The following ATP9B variants were observed in gnomAD, a reference collection of about 807,000 sequenced individuals.
ATP9B encodes the protein ATPase phospholipid transporting 9B.
ATP9B carries 110 observed loss-of-function variants against 146.1 expected under a neutral mutation model. The observed-to-expected ratio is 0.75, with a 90% CI of 0.65 to 0.88. ATP9B has a LOEUF of 0.88. Among genes scored for constraint, ATP9B ranks in the 40% least tolerant of loss-of-function variants. The probability of loss-of-function intolerance (pLI) is 0.00; values close to 1 mark genes in which losing one functional copy is unlikely to be tolerated. For synonymous variants in ATP9B, 604 were observed against 569.7 expected (o/e 1.06, Z -0.86); for missense variants, 1,499 against 1,496.4 (o/e 1.00, Z -0.03).
intron 7 of ATP9B, among the ~76,000 whole-genome samples, chr18:79,161,819 C>G (rs146340340): frequency 6.6e-4 from 100 of 152,204 alleles, no homozygotes; most frequent in African/African-American, 2.2e-3. Flanking sequence ...GCACTCCAGC[C>G]TGGGTGACAG....
At chr18:79,304,459 G>A (rs1006159226) in intron 14 of ATP9B, among the ~76,000 whole-genome samples, 2 of 152,082 alleles carry the variant, frequency 1.3e-5, no homozygotes, top group African/African-American at 2.4e-5. Flanking sequence ...ACCTCTAATC[G>A]CTTATCTGAA....
intron 13 of ATP9B, among the ~76,000 whole-genome samples, chr18:79,292,042 A>G (rs1313002650): frequency 1.3e-5 from 2 of 152,154 alleles, no homozygotes; most frequent in Non-Finnish European, 2.9e-5. Flanking sequence ...TTACTGGTTC[A>G]TTCGTATTGT....
Position 79,371,370 on chromosome 18 carries a change from TAAAAAAAAAAAAAAA to T in ATP9B, c.3013-1438_3013-1424del, listed in dbSNP as rs59110010. Among the ~76,000 whole-genome samples, 136 of 98,116 alleles carry T rather than the reference TAAAAAAAAAAAAAAA, an allele frequency of 1.4e-3. 1 individual carries two copies. Among genetic ancestry groups the T allele is most frequent in the Non-Finnish European group, 2.2e-3 (115 of 51,638 alleles). The allele number at this position is 98,116 out of a possible 152,430, so 64.4% of individuals were successfully genotyped here. On this transcript the variant is annotated intron_variant, in intron 26 of 29. Coordinates refer to ENST00000426216, the MANE Select transcript of ATP9B (RefSeq NM_198531.5). ...CTGGTGAAAGAGCAAGACTCCGTCTTAAAAAAAAAAAAAAAAAAAAAAAAAAAAAAACAGTAGTGC... is the reference window on the plus strand; with the variant it reads ...CTGGTGAAAGAGCAAGACTCCGTCTTAAAAAAAAAAAAAAAACAGTAGTGC...
chr18:79,305,684 A>G (rs2096616794), intron 14 of ATP9B, among the ~76,000 whole-genome samples: 1 of 152,252 alleles, frequency 6.6e-6, no homozygotes, highest in Admixed American at 6.5e-5. Context: ...AAGATGAAGC[A>G]TCATTATATA....
intron 11 of ATP9B, among the ~76,000 whole-genome samples, chr18:79,217,922 C>G (rs2095642909): frequency 6.6e-6 from 1 of 152,188 alleles, no homozygotes; most frequent in Non-Finnish European, 1.5e-5. Context: ...GTTTCTAACA[C>G]TCAATTCTGA....
intron 13 of ATP9B, among the ~76,000 whole-genome samples, chr18:79,297,850 C>A (rs902768843): frequency 1.6e-5 from 2 of 124,138 alleles, no homozygotes; most frequent in African/African-American, 5.8e-5. Flanking sequence ...CTGCAATGAC[C>A]TTAACAGAAC....
intron 13 of ATP9B, among the ~76,000 whole-genome samples, chr18:79,296,263 A>G (rs558782999): frequency 1.3e-5 from 2 of 152,336 alleles, no homozygotes; most frequent in African/African-American, 4.8e-5. Flanking sequence ...CCATCTTCCT[A>G]TCTTGGTCTC....
At chr18:79,203,240 C>T (rs2095504745) in intron 9 of ATP9B, among the ~76,000 whole-genome samples, 2 of 150,972 alleles carry the variant, frequency 1.3e-5, no homozygotes, top group South Asian at 4.2e-4. Context: ...GAGCAGGTAC[C>T]TGATGAGCGA....
At chr18:79,140,352 G>GT (rs1379030565) in intron 5 of ATP9B, among the ~76,000 whole-genome samples, 1 of 151,996 alleles carries the variant, frequency 6.6e-6, no homozygotes, top group African/African-American at 2.4e-5. Context: ...AATTTCTTTA[G>GT]TTTTTTTCAA....
At chr18:79,151,755 G>T (rs2094693551) in intron 6 of ATP9B, among the ~76,000 whole-genome samples, 1 of 151,212 alleles carries the variant, frequency 6.6e-6, no homozygotes. Flanking sequence ...GAAGTTCTGG[G>T]ATACATGTGC....
chr18:79,266,364 G>A (rs2096203949), intron 12 of ATP9B, among the ~76,000 whole-genome samples: 1 of 151,644 alleles, frequency 6.6e-6, no homozygotes. Flanking sequence ...TATTAATCTA[G>A]GTGTATTAAA....
chr18:79,088,486 C>A (rs1436023034), intron 1 of ATP9B, among the ~76,000 whole-genome samples: 1 of 151,964 alleles, frequency 6.6e-6, no homozygotes, highest in Non-Finnish European at 1.5e-5. Flanking sequence ...TAATTTTTTG[C>A]CTAAATTATA....
At chr18:79,230,374 G>T (rs2095779650) in intron 11 of ATP9B, among the ~76,000 whole-genome samples, 1 of 152,094 alleles carries the variant, frequency 6.6e-6, no homozygotes, top group Non-Finnish European at 1.5e-5. Context: ...AAAGTTTCAG[G>T]ATACAAAATT....
chr18:79,269,965 C>T (rs1431690986), intron 12 of ATP9B, among the ~76,000 whole-genome samples: 1 of 152,228 alleles, frequency 6.6e-6, no homozygotes, highest in Non-Finnish European at 1.5e-5. Flanking sequence ...TTGAAAAGCT[C>T]CTGCTTATCC....
intron 1 of ATP9B, among the ~76,000 whole-genome samples, chr18:79,073,325 C>G (rs2072182768): frequency 6.6e-6 from 1 of 152,180 alleles, no homozygotes; most frequent in South Asian, 2.1e-4. Flanking sequence ...CCACTGCACT[C>G]CAGCCTGGGC....
intron 7 of ATP9B, among the ~76,000 whole-genome samples, chr18:79,166,129 C>T (rs1253799822): frequency 6.6e-6 from 1 of 152,166 alleles, no homozygotes; most frequent in Non-Finnish European, 1.5e-5. Context: ...ATGTCTGCAG[C>T]CTTCCCTACA....
intron 19 of ATP9B, 77 bp from the exon 20 acceptor site, chr18:79,342,191 G>T: frequency 8.5e-7 from 1 of 1,171,286 alleles, no homozygotes; most frequent in East Asian, 2.4e-5. Flanking sequence ...CCTTTTGGCT[G>T]TTGTGAATTA....
chr18:79,099,309 C>A (rs2075076349), intron 2 of ATP9B, among the ~76,000 whole-genome samples: 1 of 152,072 alleles, frequency 6.6e-6, no homozygotes, highest in Admixed American at 6.6e-5. Flanking sequence ...TCAACCTCCG[C>A]CTTCTGGGTT....
At chr18:79,170,898 A>C (rs569366856) in intron 7 of ATP9B, among the ~76,000 whole-genome samples, 2 of 152,302 alleles carry the variant, frequency 1.3e-5, no homozygotes, top group South Asian at 4.2e-4. Context: ...TTATTGCCTG[A>C]ATCTTGCTTT....
Sources: gnomAD v4.1 joint callset for allele counts (sites outside exome capture counted in the v4.1 genomes callset) on GRCh38, gnomAD v4.1.1 for gene constraint, MANE v1.5 for transcripts, NCBI Gene and HGNC (gene_info 2026-07-23, HGNC 2026-07-21) for gene names.